Variants in ZNF385C observed in about 807,000 individuals in gnomAD.
ZNF385C encodes CTD-2132N18.2.
Under a neutral mutation model 35.4 loss-of-function variants are expected in ZNF385C, and 28 were observed. That is an observed-to-expected ratio of 0.79 (90% CI 0.59 to 1.08). The LOEUF (loss-of-function observed/expected upper bound fraction) is 1.08, where lower values mean the gene tolerates loss of function less well. Ranked by LOEUF, ZNF385C falls within the 50% of genes least tolerant of loss-of-function variation. The probability of loss-of-function intolerance (pLI) is 0.00; values close to 1 mark genes in which losing one functional copy is unlikely to be tolerated. For synonymous variants in ZNF385C, 248 were observed against 248.2 expected (o/e 1.00, Z 0.01); for missense variants, 605 against 595.6 (o/e 1.02, Z -0.16).
intron 2 of ZNF385C, among the ~76,000 whole-genome samples, chr17:42,047,812 C>G (rs1225409470): frequency 6.6e-6 from 1 of 151,916 alleles, no homozygotes; most frequent in Non-Finnish European, 1.5e-5. Flanking sequence ...CACCACCATG[C>G]CCAGCTAATT....
intron 5 of ZNF385C, 75 bp downstream of exon 5, chr17:42,031,544 C>T (rs1414757629): frequency 1.3e-6 from 2 of 1,484,850 alleles, no homozygotes; most frequent in East Asian, 2.5e-5. Context: ...AAAGAATAAG[C>T]AGAAATCTCT....
chr17:42,067,380 A>G (rs1598198728), intron 1 of ZNF385C, among the ~76,000 whole-genome samples: 1 of 152,164 alleles, frequency 6.6e-6, no homozygotes, highest in Non-Finnish European at 1.5e-5. Flanking sequence ...TGGTGTGGTC[A>G]TAAGTGCTTG....
chr17:42,055,469 G>T (rs1033977503), intron 2 of ZNF385C, among the ~76,000 whole-genome samples: 1 of 152,146 alleles, frequency 6.6e-6, no homozygotes, highest in Non-Finnish European at 1.5e-5. Flanking sequence ...CGGGAAGAGC[G>T]TGGGGCACTT....
intron 1 of ZNF385C, 51 bp from the exon 2 acceptor site, chr17:42,063,109 TAGAG>T (rs547201273): frequency 6.1e-4 from 354 of 580,418 alleles, no homozygotes; most frequent in African/African-American, 5.8e-3. Flanking sequence ...TGCGAATTCT[TAGAG>T]AGAGCAGGAG....
At chr17:42,044,225 T>C (rs1486661363) in intron 2 of ZNF385C, among the ~76,000 whole-genome samples, 3 of 148,724 alleles carry the variant, frequency 2.0e-5, no homozygotes, top group Non-Finnish European at 4.4e-5. Flanking sequence ...GCAGGATTGC[T>C]TGAGCCTGGG....
At chr17:42,062,210 A>G (rs1450616953) in intron 2 of ZNF385C, 1 of 152,820 alleles carries the variant, frequency 6.5e-6, no homozygotes, top group African/African-American at 2.4e-5. Context: ...GTCAGCTAGA[A>G]TCACCCTCAT....
chr17:42,077,055 C>T (rs1320781156), intron 1 of ZNF385C, among the ~76,000 whole-genome samples: 9 of 152,160 alleles, frequency 5.9e-5, no homozygotes, highest in Admixed American at 3.9e-4. Flanking sequence ...TCCACTGTCT[C>T]CTCTTCCTCT....
chr17:42,041,925 C>T (rs2053032470), intron 2 of ZNF385C, among the ~76,000 whole-genome samples: 1 of 152,212 alleles, frequency 6.6e-6, no homozygotes, highest in Non-Finnish European at 1.5e-5. Context: ...CCAGCACATC[C>T]TGCTCTGAGA....
At chr17:42,035,336 G>GT (rs1465949043) in intron 3 of ZNF385C, among the ~76,000 whole-genome samples, 2 of 151,366 alleles carry the variant, frequency 1.3e-5, no homozygotes, top group Admixed American at 1.3e-4. Flanking sequence ...CATTATTTTT[G>GT]TTTTTTGTTT....
intron 2 of ZNF385C, among the ~76,000 whole-genome samples, chr17:42,057,610 G>C (rs2053401342): frequency 6.6e-6 from 1 of 151,820 alleles, no homozygotes; most frequent in Non-Finnish European, 1.5e-5. Flanking sequence ...CCATTGGGAG[G>C]AGAGGCAAGG....
chr17:42,090,806 C>T (rs1199645833), intron 1 of ZNF385C, among the ~76,000 whole-genome samples: 5 of 151,972 alleles, frequency 3.3e-5, no homozygotes, highest in African/African-American at 4.8e-5. Flanking sequence ...GGCGTGAACC[C>T]GGAAGGCGGA....
At chr17:42,096,083 C>A (rs1305102417) in intron 1 of ZNF385C, among the ~76,000 whole-genome samples, 1 of 152,166 alleles carries the variant, frequency 6.6e-6, no homozygotes, top group East Asian at 1.9e-4. Context: ...CAGCTCCACT[C>A]GCACCCTGGC....
chr17:42,058,946 C>G (rs1012144643), intron 2 of ZNF385C, among the ~76,000 whole-genome samples: 1 of 152,208 alleles, frequency 6.6e-6, no homozygotes, highest in African/African-American at 2.4e-5. Context: ...CATGAGCCAC[C>G]GCGCCTGACC....
chr17:42,058,609 C>T (rs142493710), intron 2 of ZNF385C, among the ~76,000 whole-genome samples: 6 of 152,364 alleles, frequency 3.9e-5, no homozygotes, highest in African/African-American at 1.4e-4. Flanking sequence ...AGGGGCCCAA[C>T]GTGCTCCCCC....
At chr17:42,056,728 G>A (rs1397093352) in intron 2 of ZNF385C, among the ~76,000 whole-genome samples, 1 of 152,164 alleles carries the variant, frequency 6.6e-6, no homozygotes, top group Non-Finnish European at 1.5e-5. Context: ...TCATGGTACT[G>A]AAAAAGTCTC....
rs139627323 is a variant in ZNF385C at position 42,083,466 on chromosome 17, G to A, written c.-3+14944C>T. 7.9e-3 allele frequency among the ~76,000 whole-genome samples: 1,194 copies of A among 151,768 alleles called. 22 individuals carry two copies. The highest frequency in any genetic ancestry group is 0.024 in the African/African-American group (1,000 of 41,390). ...TCATGATCCACCCACCTCGGCCTCC[G>A]AAAGTGTTGGGATTACAGGCATGAG... On this transcript the variant is annotated intron_variant, in intron 1 of 8. Coordinates refer to ENST00000692273, the MANE Select transcript of ZNF385C (RefSeq NM_001392013.1).
chr17:42,055,720 C>T (rs1555657514), intron 2 of ZNF385C, among the ~76,000 whole-genome samples: 1 of 152,054 alleles, frequency 6.6e-6, no homozygotes, highest in East Asian at 1.9e-4. Context: ...AATCCATCTG[C>T]AGGGAGTGGG....
At chr17:42,040,142 C>G in intron 2 of ZNF385C, 3 of 1,231,482 alleles carry the variant, frequency 2.4e-6, no homozygotes, top group Non-Finnish European at 2.0e-6. Context: ...CCCAGCTCCT[C>G]CGGCGCCTGC....
intron 1 of ZNF385C, among the ~76,000 whole-genome samples, chr17:42,079,310 G>A (rs1010414551): frequency 6.8e-6 from 1 of 147,672 alleles, no homozygotes; most frequent in East Asian, 2.0e-4. Flanking sequence ...AGACTGAGAC[G>A]GGAGATTGAG....
Sources: allele counts gnomAD v4.1 joint callset (sites outside exome capture counted in the v4.1 genomes callset), GRCh38; gene constraint gnomAD v4.1.1; transcripts MANE v1.5; gene names NCBI Gene and HGNC (gene_info 2026-07-23, HGNC 2026-07-21).